The following MUC13 variants were observed in gnomAD, a reference collection of about 807,000 sequenced individuals.
The protein encoded by MUC13 is mucin 13, cell surface associated, also known as mucin-13.
Under a neutral mutation model 48.3 loss-of-function variants are expected in MUC13, and 32 were observed. The ratio of observed to expected loss-of-function variants is 0.66; its 90% CI spans 0.50 to 0.89. The LOEUF (loss-of-function observed/expected upper bound fraction) is 0.89, where lower values mean the gene tolerates loss of function less well. Ranked by LOEUF, MUC13 falls within the 40% of genes least tolerant of loss-of-function variation. MUC13 has a pLI of 0.00. For synonymous variants in MUC13, 199 were observed against 224.9 expected (o/e 0.88, Z 1.03); for missense variants, 571 against 622.8 (o/e 0.92, Z 0.88).
intron 3 of MUC13, among the ~76,000 whole-genome samples, chr3:124,923,181 A>G (rs543751829): frequency 2.0e-3 from 296 of 151,746 alleles, no homozygotes; most frequent in Non-Finnish European, 3.2e-3. Context: ...AAACATCATT[A>G]TGCCACAAGT....
intron 10 of MUC13, 121 bp downstream of exon 10, chr3:124,910,294 G>C: frequency 7.3e-7 from 1 of 1,372,334 alleles, no homozygotes; most frequent in Non-Finnish European, 9.8e-7. Flanking sequence ...AGCACTTTGG[G>C]AGGCCAAGGT....
chr3:124,931,662 C>T (rs1433369508), intron 1 of MUC13, among the ~76,000 whole-genome samples: 1 of 151,562 alleles, frequency 6.6e-6, no homozygotes, highest in Non-Finnish European at 1.5e-5. Context: ...GCAGGAGAAT[C>T]ACTTGAACCT....
chr3:124,922,790 G>T (rs1350317153), intron 3 of MUC13, among the ~76,000 whole-genome samples: 1 of 52,848 alleles, frequency 1.9e-5, no homozygotes, highest in African/African-American at 7.2e-5. Context: ...CATTTTTAAA[G>T]GTTGCATAAT....
chr3:124,917,577 T>C (rs1375110114), intron 5 of MUC13, among the ~76,000 whole-genome samples: 2 of 152,102 alleles, frequency 1.3e-5, no homozygotes, highest in Non-Finnish European at 2.9e-5. Context: ...ATTTAAGCAA[T>C]GTTTGCAGCC....
At chr3:124,925,147 T>C (rs1006184045) in intron 2 of MUC13, among the ~76,000 whole-genome samples, 2 of 152,090 alleles carry the variant, frequency 1.3e-5, no homozygotes, top group Non-Finnish European at 2.9e-5. Flanking sequence ...TATTCAGCAC[T>C]AAAAAATGAG....
Position 124,922,322 on chromosome 3 carries a change from C to A in MUC13, c.638-19G>T. 2 of 1,610,144 alleles carry A rather than the reference C, an allele frequency of 1.2e-6. No homozygotes were observed. Among genetic ancestry groups the A allele is most frequent in the Non-Finnish European group, 1.7e-6 (2 of 1,178,898 alleles). On this transcript the variant is annotated intron_variant, in intron 3 of 11. Coordinates refer to ENST00000616727, the MANE Select transcript of MUC13 (RefSeq NM_033049.4). The stretch of plus-strand genomic sequence containing the variant: ...ACCTTTCCTGAAAGTTAAGCAGAAT[C>A]TTTCTGTACTATTTGATGAAAAGAG...
Position 124,913,609 on chromosome 3 carries a change from C to T in MUC13, c.1037G>A (p.Cys346Tyr). ...DDCLNGLACD[C>Y]KSDLQRPNPQ... ...GTTAGGCCTTTGCAGGTCAGATTTG[C>T]AATCGCATGCTAAACCATTGAGGCA... The change falls in exon 7 of 12, where the codon TGC becomes TAC. Residue 346 changes from cysteine (C) to tyrosine (Y), a missense_variant. Physicochemically the swap from Cys to Tyr is radical, Grantham distance 194 (BLOSUM62 -2). Transcript: ENST00000616727. 1 of 1,614,206 alleles carries T rather than the reference C, an allele frequency of 6.2e-7. No homozygotes were observed. Among genetic ancestry groups the T allele is most frequent in the Non-Finnish European group, 8.5e-7 (1 of 1,180,020 alleles).
chr3:124,925,977 C>T (rs1935678772), intron 2 of MUC13, among the ~76,000 whole-genome samples: 1 of 152,090 alleles, frequency 6.6e-6, no homozygotes, highest in Admixed American at 6.6e-5. Context: ...AGGCATAGTT[C>T]AGTATCTTAT....
chr3:124,919,895 G>C (rs1188399867), intron 5 of MUC13, among the ~76,000 whole-genome samples: 1 of 152,180 alleles, frequency 6.6e-6, no homozygotes, highest in East Asian at 1.9e-4. Flanking sequence ...CCACTGGAAT[G>C]CACATTCCAG....
chr3:124,920,345 C>T, intron 4 of MUC13, 56 bp from the exon 5 acceptor site: 2 of 1,369,856 alleles, frequency 1.5e-6, no homozygotes, highest in Non-Finnish European at 2.0e-6. Context: ...TTCACATTTT[C>T]TACAAATCAA....
rs556547672 is a variant in MUC13, at chr3:124,927,604, T to A, written c.442A>T (p.Thr148Ser). The part of the protein sequence containing the change: ...TQSNNEMSPT[T>S]EDNQSSGPPT... ...GGCCCTGATGATTGATTGTCTTCTG[T>A]GGTGGGGGACATTTCATTGTTACTT... Residue 148 changes from threonine to serine, a missense_variant, in exon 2 of 12, where the codon ACA (threonine) becomes TCA (serine). Physicochemically the swap from Thr to Ser is moderately conservative, Grantham distance 58. Coordinates refer to ENST00000616727, the MANE Select transcript of MUC13 (RefSeq NM_033049.4). The A allele has an allele frequency of 6.2e-7, 1 of 1,614,166 alleles. No individual in the cohort carries two copies. The highest frequency in any genetic ancestry group is 2.2e-5 in the East Asian group (1 of 44,886).
chr3:124,914,222 C>T (rs1273237884), intron 6 of MUC13, among the ~76,000 whole-genome samples: 1 of 151,698 alleles, frequency 6.6e-6, no homozygotes, highest in Non-Finnish European at 1.5e-5. Context: ...CCAGCCTGAC[C>T]AACATGGTGA....
intron 5 of MUC13, among the ~76,000 whole-genome samples, chr3:124,918,309 C>G (rs757768728): frequency 3.3e-5 from 5 of 152,136 alleles, no homozygotes; most frequent in Non-Finnish European, 7.4e-5. Context: ...TGCACTGGCC[C>G]CTGAGGTGGG....
intron 6 of MUC13, among the ~76,000 whole-genome samples, chr3:124,915,895 C>G (rs919691066): frequency 6.6e-6 from 1 of 152,186 alleles, no homozygotes; most frequent in Non-Finnish European, 1.5e-5. Context: ...CCAGGCTGGT[C>G]TCAAACTCCT....
chr3:124,908,054 G>T, intron 11 of MUC13, 93 bp downstream of exon 11: 1 of 1,221,870 alleles, frequency 8.2e-7, no homozygotes, highest in Non-Finnish European at 1.2e-6. Flanking sequence ...AAAGCCTGCG[G>T]GGCAGCCAAG....
intron 1 of MUC13, among the ~76,000 whole-genome samples, chr3:124,934,062 T>C (rs1227338315): frequency 6.6e-6 from 1 of 152,204 alleles, no homozygotes; most frequent in Non-Finnish European, 1.5e-5. Flanking sequence ...AACGCTATAG[T>C]AGAGAACTGG....
intron 5 of MUC13, among the ~76,000 whole-genome samples, chr3:124,916,920 AG>A: frequency 6.6e-6 from 1 of 152,244 alleles, no homozygotes; most frequent in South Asian, 2.1e-4. Flanking sequence ...CTCTGCATGG[AG>A]AAAGCAGTAA....
intron 5 of MUC13, among the ~76,000 whole-genome samples, chr3:124,918,748 T>C (rs1935545598): frequency 6.6e-6 from 1 of 152,134 alleles, no homozygotes; most frequent in Admixed American, 6.5e-5. Context: ...TTGTATCCAG[T>C]CATCCCCTAC....
chr3:124,922,121 A>C, intron 4 of MUC13, 76 bp downstream of exon 4: 1 of 1,534,444 alleles, frequency 6.5e-7, no homozygotes, highest in Non-Finnish European at 8.8e-7. Context: ...AACCACCTGA[A>C]GACCAGCTCT....
Sources: allele counts gnomAD v4.1 joint callset (sites outside exome capture counted in the v4.1 genomes callset), GRCh38; gene constraint gnomAD v4.1.1; transcripts MANE v1.5; gene names NCBI Gene and HGNC (gene_info 2026-07-23, HGNC 2026-07-21).